Variants in MTOR observed in about 807,000 individuals in gnomAD.
MTOR encodes the protein serine/threonine-protein kinase mTOR.
In MTOR, 70 loss-of-function variants were observed where a neutral mutation model predicts 319.8. That is an observed-to-expected ratio of 0.22 (90% confidence interval 0.18 to 0.27). The LOEUF is 0.27. MTOR is among the 10% of genes least tolerant of loss of function. The pLI, the probability that MTOR is intolerant of heterozygous loss-of-function variation, is 1.00. For synonymous variants in MTOR, 1,183 were observed against 1,211.4 expected (o/e 0.98, Z 0.49); for missense variants, 1,890 against 3,274.4 (o/e 0.58, Z 10.32).
At chr1:11,147,778 G>C (rs1643986706) in intron 31 of MTOR, among the ~76,000 whole-genome samples, 1 of 152,162 alleles carries the variant, frequency 6.6e-6, no homozygotes, top group African/African-American at 2.4e-5. Context: ...CTTTTCACCA[G>C]GGACACTCTA....
In MTOR at chr1:11,130,533, G is replaced by T. The variant is rs536888206; in HGVS notation, c.5609C>A (p.Thr1870Asn). 6 of 1,612,912 alleles carry T rather than the reference G, an allele frequency of 3.7e-6. No individual in the cohort carries two copies. The South Asian group carries it at 6.6e-5, about 18-fold the overall frequency. Residue 1870 changes from threonine to asparagine, a missense_variant, in exon 39 of 58, where the codon ACT (threonine) becomes AAT (asparagine). Physicochemically the swap from Thr to Asn is moderately conservative, Grantham distance 65. Coordinates refer to ENST00000361445, the MANE Select transcript of MTOR (RefSeq NM_004958.4). ...TAAGGAAGAAGGGAAGGGTACCTCAGTGACCTTCTTCTGCAGCGGCGATGG... is the reference window on the plus strand; with the variant it reads ...TAAGGAAGAAGGGAAGGGTACCTCATTGACCTTCTTCTGCAGCGGCGATGG... ...PTPSPLQKKV[T>N]EDLSKTLLMY...
In MTOR at chr1:11,110,598, G is replaced by A. The variant is rs541672408; in HGVS notation, c.7367-869C>T. ...TTTAGTACAGATGGGGTTTCTCCAT[G>A]TCGGTCAAGCTGGTCTCAAACTCTT... On this transcript the variant is annotated intron_variant, in intron 54 of 57. Transcript: ENST00000361445. 5.9e-5 allele frequency among the ~76,000 whole-genome samples: 9 copies of A among 152,272 alleles called. 1 individual carries two copies. The South Asian group carries it at 1.9e-3, about 32-fold the overall frequency.
chr1:11,150,527 A>G (rs1644102745), intron 30 of MTOR, among the ~76,000 whole-genome samples: 1 of 152,212 alleles, frequency 6.6e-6, no homozygotes, highest in Admixed American at 6.5e-5. Context: ...CTCCTATGCC[A>G]AAGAATTCTG....
chr1:11,189,516 A>G, intron 28 of MTOR: 1 of 1,515,846 alleles, frequency 6.6e-7, no homozygotes, highest in African/African-American at 1.4e-5. Flanking sequence ...AGCTTTGCAG[A>G]CCTCAGCTGG....
At chr1:11,194,333 T>C (rs1012296818) in intron 28 of MTOR, 156 of 878,632 alleles carry the variant, frequency 1.8e-4, no homozygotes, top group Non-Finnish European at 2.5e-4. Context: ...AAACAAGTAA[T>C]AAAGTCTTAT....
chr1:11,232,280 T>A (rs1002542054), intron 16 of MTOR, among the ~76,000 whole-genome samples, 156 bp downstream of exon 16: 1 of 152,220 alleles, frequency 6.6e-6, no homozygotes, highest in Non-Finnish European at 1.5e-5. Context: ...TTCAAATCTT[T>A]CTAACTTTTA....
At chr1:11,230,106 A>C (rs1295426980) in intron 18 of MTOR, among the ~76,000 whole-genome samples, 6 of 142,396 alleles carry the variant, frequency 4.2e-5, no homozygotes, top group Non-Finnish European at 7.7e-5. Flanking sequence ...GTCAATTAAA[A>C]ATAAAACAAA....
At chr1:11,132,452 A>G (rs934971447) in intron 38 of MTOR, 11 of 152,312 alleles carry the variant, frequency 7.2e-5, no homozygotes, top group African/African-American at 2.2e-4. Flanking sequence ...TGGCAAGCCA[A>G]GGAAATACTG....
intron 16 of MTOR, 110 bp from the exon 17 acceptor site, chr1:11,231,544 AAG>A: frequency 2.2e-6 from 3 of 1,375,386 alleles, no homozygotes; most frequent in Non-Finnish European, 2.0e-6. Context: ...GTAAGAAGAA[AAG>A]AGGTTTCCAG....
intron 29 of MTOR, among the ~76,000 whole-genome samples, chr1:11,164,639 G>C (rs1188281128): frequency 6.6e-6 from 1 of 152,172 alleles, no homozygotes; most frequent in African/African-American, 2.4e-5. Flanking sequence ...GGACTAGACA[G>C]GTTCACAGCC....
At chr1:11,148,104 C>T (rs1260741395) in intron 31 of MTOR, among the ~76,000 whole-genome samples, 1 of 152,058 alleles carries the variant, frequency 6.6e-6, no homozygotes, top group Non-Finnish European at 1.5e-5. Context: ...AGGAGATAGA[C>T]AACTGTCCTC....
chr1:11,117,027 C>T lies in MTOR; in HGVS notation c.6993G>A (p.Gly2331=). 6.2e-7 allele frequency: 1 copy of T among 1,612,996 alleles called. No individual in the cohort carries two copies. Among genetic ancestry groups the T allele is most frequent in the African/African-American group, 1.3e-5 (1 of 74,968 alleles). The change falls in exon 50 of 58, where the codon GGG becomes GGA. Residue 2331 remains glycine (G), a synonymous_variant. Transcript: ENST00000361445. The stretch of plus-strand genomic sequence containing the variant: ...ACCTATCTCCCAGGCCTAAAATATA[C>T]CCAACCATTGACATGACCGCTAAAG... ...TRSLAVMSMV[G]YILGLGDRHP...
chr1:11,241,957 T>C (rs1315893535), intron 9 of MTOR, among the ~76,000 whole-genome samples: 1 of 152,238 alleles, frequency 6.6e-6, no homozygotes, highest in East Asian at 1.9e-4. Flanking sequence ...GTTATTGTGG[T>C]GCTCACCAAG....
intron 50 of MTOR, among the ~76,000 whole-genome samples, chr1:11,116,441 A>G (rs1317105026): frequency 6.6e-6 from 1 of 152,094 alleles, no homozygotes; most frequent in Non-Finnish European, 1.5e-5. Context: ...CAGCCTCCCA[A>G]AGAGCTGGGA....
At chr1:11,147,428 TCTC>T (rs1213946028) in intron 31 of MTOR, among the ~76,000 whole-genome samples, 2 of 152,148 alleles carry the variant, frequency 1.3e-5, no homozygotes, top group Non-Finnish European at 2.9e-5. Context: ...GGTATTCACT[TCTC>T]CTGGTGGGGT....
chr1:11,193,790 G>A (rs377375951), intron 28 of MTOR: 81 of 1,613,320 alleles, frequency 5.0e-5, no homozygotes, highest in Admixed American at 2.5e-4. Flanking sequence ...CACAAGGCCA[G>A]GGGCCCCATG....
At chr1:11,240,586 A>G (rs199641319) in intron 10 of MTOR, 39 bp from the exon 11 acceptor site, 7 of 1,598,166 alleles carry the variant, frequency 4.4e-6, no homozygotes, top group Middle Eastern at 1.7e-4. Flanking sequence ...GGCTGGGCAC[A>G]TGACACTCAG....
At chr1:11,120,151 A>C (rs1028374484) in intron 49 of MTOR, among the ~76,000 whole-genome samples, 1 of 151,964 alleles carries the variant, frequency 6.6e-6, no homozygotes, top group Non-Finnish European at 1.5e-5. Flanking sequence ...GGTATGGCTC[A>C]CTGCAGCCTC....
rs141365753 is a variant in MTOR at position 11,253,343 on chromosome 1, C to T, written c.840+496G>A. Among the ~76,000 whole-genome samples, 977 of 152,276 alleles carry T rather than the reference C, an allele frequency of 6.4e-3. 17 individuals are homozygous for T. The highest frequency in any genetic ancestry group is 0.022 in the African/African-American group (918 of 41,556). On this transcript the variant is annotated intron_variant, in intron 6 of 57. Transcript: ENST00000361445. ...ATAAGCAGTCAGTGATTGTTAGAAA[C>T]GCATGACATCACATTATTCGCCTGT... is the stretch of plus-strand genomic sequence containing the variant.
Sources: gnomAD v4.1 joint callset for allele counts (sites outside exome capture counted in the v4.1 genomes callset) on GRCh38, gnomAD v4.1.1 for gene constraint, MANE v1.5 for transcripts, NCBI Gene and HGNC (gene_info 2026-07-23, HGNC 2026-07-21) for gene names.